The following GPNMB variants were observed in gnomAD, a reference collection of about 807,000 sequenced individuals.
GPNMB encodes glycoprotein nmb.
GPNMB carries 71 observed loss-of-function variants against 57.3 expected under a neutral mutation model. The ratio of observed to expected loss-of-function variants is 1.24; its 90% CI spans 1.02 to 1.51. GPNMB has a LOEUF of 1.51. Ranked by LOEUF, GPNMB falls within the 40% of genes most tolerant of loss-of-function variation. GPNMB has a pLI of 0.00. For synonymous variants in GPNMB, 253 were observed against 263.2 expected (o/e 0.96, Z 0.38); for missense variants, 677 against 691.9 (o/e 0.98, Z 0.24).
In GPNMB at chr7:23,253,422, G is replaced by A; in HGVS notation, c.186G>A (p.Trp62Ter). 6.2e-7 allele frequency: 1 copy of A among 1,614,006 alleles called. No individual in the cohort carries two copies. The highest frequency in any genetic ancestry group is 8.5e-7 in the Non-Finnish European group (1 of 1,179,900). Residue 62 changes from tryptophan (W) to a stop codon, truncating the protein, a stop_gained, in exon 2 of 11, where the codon TGG becomes TGA. Transcript: ENST00000258733. LOFTEE classifies it high-confidence loss of function. ...GGAATGAAAAACTCTACCCAGTGTGGAAGCGGGGAGACATGAGGTGGAAAA... is the reference window on the plus strand; with the variant it reads ...GGAATGAAAAACTCTACCCAGTGTGAAAGCGGGGAGACATGAGGTGGAAAA... ...NDWNEKLYPV[W>*]KRGDMRWKNS... is the part of the protein sequence containing the mutation.
At chr7:23,265,446 A>G (rs978193280) in intron 6 of GPNMB, among the ~76,000 whole-genome samples, 1 of 152,060 alleles carries the variant, frequency 6.6e-6, no homozygotes, top group Non-Finnish European at 1.5e-5. Context: ...TGTCTTAATT[A>G]GAGCCTGTTA....
chr7:23,273,427 T>G lies in GPNMB; in HGVS notation c.1430-94T>G, dbSNP rs887335089. On this transcript the variant is annotated intron_variant, in intron 9 of 10. Transcript: ENST00000258733. ...CCCAGAGGGAGCCATATATCTTCTG[T>G]GACGGCTCCCTTCCTCATTTATTTA... The G allele has an allele frequency of 2.1e-5, 16 of 778,230 alleles. No homozygotes were observed. In the East Asian group the frequency reaches 4.0e-4, roughly 19 times the overall value. The allele number at this position is 778,230 out of a possible 1,614,324, so 48.2% of individuals were successfully genotyped here.
At chr7:23,266,044 T>G (rs987760517) in intron 6 of GPNMB, 6 of 155,972 alleles carry the variant, frequency 3.8e-5, no homozygotes, top group Admixed American at 6.2e-5. Context: ...CGCCTCCCAG[T>G]TTCACGCCAT....
intron 3 of GPNMB, among the ~76,000 whole-genome samples, chr7:23,256,144 G>A (rs1322817113): frequency 6.6e-6 from 1 of 152,074 alleles, no homozygotes; most frequent in Non-Finnish European, 1.5e-5. Flanking sequence ...GACCTCAAGC[G>A]ATCCGCCCAT....
At chr7:23,273,830 C>G in intron 10 of GPNMB, 2 of 580,830 alleles carry the variant, frequency 3.4e-6, no homozygotes, top group Middle Eastern at 4.4e-4. Flanking sequence ...AGTAACTTTA[C>G]AAAATTATGT....
At chr7:23,252,143 C>T (rs1782674950) in intron 1 of GPNMB, among the ~76,000 whole-genome samples, 1 of 151,824 alleles carries the variant, frequency 6.6e-6, no homozygotes, top group Non-Finnish European at 1.5e-5. Context: ...AAATGGAATC[C>T]AAATGTAACT....
intron 10 of GPNMB, 113 bp downstream of exon 10, chr7:23,273,727 G>A: frequency 1.4e-6 from 1 of 708,196 alleles, no homozygotes; most frequent in Non-Finnish European, 2.4e-6. Context: ...TTTGTGTAGG[G>A]GAGGAAAATA....
rs368693811 is a variant in GPNMB at position 23,260,610 on chromosome 7, C to T, written c.855C>T (p.Phe285=). 5.5e-5 allele frequency: 88 copies of T among 1,613,942 alleles called. No individual in the cohort carries two copies. Among genetic ancestry groups the T allele is most frequent in the Non-Finnish European group, 7.3e-5 (86 of 1,179,950 alleles). The part of the protein sequence containing the change: ...NYSTINYKWS[F]GDNTGLFVST... The stretch of plus-strand genomic sequence containing the variant: ...CTACCATTAACTACAAGTGGAGCTT[C>T]GGGGATAATACTGGCCTGTTTGTTT... The change falls in exon 6 of 11, where the codon TTC becomes TTT. Residue 285 remains phenylalanine, a synonymous_variant. Transcript: ENST00000258733.
At chr7:23,262,608 C>CT (rs58011121) in intron 6 of GPNMB, among the ~76,000 whole-genome samples, 24,820 of 62,772 alleles carry the variant, frequency 0.4, 8,944 homozygotes, top group East Asian at 0.63. Flanking sequence ...TCACCATTCT[C>CT]TTTTTTTTTT....
At chr7:23,247,972 C>G (rs1276973437) in intron 1 of GPNMB, 1 of 152,328 alleles carries the variant, frequency 6.6e-6, no homozygotes, top group Admixed American at 6.5e-5. Flanking sequence ...GGGCAAGGAA[C>G]TCGCCCCAAG....
Position 23,266,634 on chromosome 7 carries a change from A to C in GPNMB, c.1117+19A>C. 3 of 1,611,272 alleles carry C rather than the reference A, an allele frequency of 1.9e-6. No homozygotes were observed. The highest frequency in any genetic ancestry group is 1.1e-5 in the South Asian group (1 of 90,702). ...ATTGTAGGTAAGGCTGAAGATGATG[A>C]CCAGTGAGGAAGGATGCTAGACTCC... On this transcript the variant is annotated intron_variant, in intron 7 of 10. Transcript: ENST00000258733.
intron 9 of GPNMB, among the ~76,000 whole-genome samples, chr7:23,272,518 A>G (rs555804228): frequency 6.6e-6 from 1 of 152,324 alleles, no homozygotes; most frequent in Admixed American, 6.5e-5. Context: ...AGAGTGAGAA[A>G]GAGAAAATGA....
At chr7:23,259,487 C>A (rs1217799586) in intron 4 of GPNMB, among the ~76,000 whole-genome samples, 3 of 152,218 alleles carry the variant, frequency 2.0e-5, no homozygotes, top group Non-Finnish European at 4.4e-5. Flanking sequence ...CAGCCACTTG[C>A]TGTATTTTTA....
At chr7:23,269,279 G>T (rs530121397) in intron 8 of GPNMB, among the ~76,000 whole-genome samples, 1 of 152,104 alleles carries the variant, frequency 6.6e-6, no homozygotes, top group African/African-American at 2.4e-5. Context: ...CCAGCTACTC[G>T]GGAGGCTGAA....
At chr7:23,254,870 C>T (rs533488900) in intron 3 of GPNMB, among the ~76,000 whole-genome samples, 1 of 152,252 alleles carries the variant, frequency 6.6e-6, no homozygotes, top group South Asian at 2.1e-4. Flanking sequence ...ATGGTACATG[C>T]TCAAAAAACG....
rs987468279 is a variant in GPNMB at position 23,260,742 on chromosome 7, A to G, written c.987A>G (p.Pro329=). The change falls in exon 6 of 11, where the codon CCA becomes CCG. Residue 329 remains proline (P), a synonymous_variant. Transcript: ENST00000258733. Reference sequence around the variant, plus strand: ...GACCTTGTCCGCCACCGCCACCACCACCCAGACCTTCAAAACCCACCCCTT... The same window carrying G: ...GACCTTGTCCGCCACCGCCACCACCGCCCAGACCTTCAAAACCCACCCCTT... ...APGPCPPPPP[P]PRPSKPTPSL... is the part of the protein sequence containing the mutation. The G allele has an allele frequency of 6.4e-7, 1 of 1,573,486 alleles. No individual in the cohort carries two copies. Among genetic ancestry groups the G allele is most frequent in the South Asian group, 1.2e-5 (1 of 85,228 alleles).
chr7:23,257,118 A>G lies in GPNMB; in HGVS notation c.541+53A>G, dbSNP rs752878105. The stretch of plus-strand genomic sequence containing the variant: ...TTCTTTACCTTTCCTTAAAATTTCA[A>G]CCTTCTCTTTTCTTACTCTATAATT... On this transcript the variant is annotated intron_variant, in intron 4 of 10. Coordinates refer to ENST00000258733, the MANE Select transcript of GPNMB (RefSeq NM_002510.3). The G allele has an allele frequency of 5.5e-6, 8 of 1,452,060 alleles. No individual in the cohort carries two copies. The African/African-American group carries it at 9.7e-5, about 18-fold the overall frequency. 89.9% of individuals were successfully genotyped at this position (1,452,060 alleles called of 1,614,324 possible).
intron 6 of GPNMB, among the ~76,000 whole-genome samples, chr7:23,264,729 T>C (rs1379551936): frequency 6.6e-6 from 1 of 152,178 alleles, no homozygotes. Flanking sequence ...TGACTTTTAT[T>C]ATTTGGTCAT....
chr7:23,246,802 G>A lies in GPNMB; in HGVS notation c.-56G>A, dbSNP rs777709117. 5.2e-5 allele frequency: 66 copies of A among 1,273,998 alleles called. No homozygotes were observed. The Admixed American group carries it at 9.1e-4, about 17-fold the overall frequency. The allele number at this position is 1,273,998 out of a possible 1,614,324, so 78.9% of individuals were successfully genotyped here. ...AAGAACACTGTTGCTCTTGGTGGACGGGCCCAGAGGAATTCAGAGTTAAAC... is the reference window on the plus strand; with the variant it reads ...AAGAACACTGTTGCTCTTGGTGGACAGGCCCAGAGGAATTCAGAGTTAAAC... On this transcript the variant is annotated 5_prime_UTR_variant, in exon 1 of 11. Transcript: ENST00000258733.
Sources: allele counts gnomAD v4.1 joint callset (sites outside exome capture counted in the v4.1 genomes callset), GRCh38; gene constraint gnomAD v4.1.1; transcripts MANE v1.5; gene names NCBI Gene and HGNC (gene_info 2026-07-23, HGNC 2026-07-21).